CUL2: variants seen among roughly 807,000 people sequenced by gnomAD.
CUL2 encodes the protein cullin-2.
A neutral mutation model predicts 110.2 loss-of-function variants in CUL2; 22 were observed. The observed-to-expected ratio is 0.20, with a 90% CI of 0.14 to 0.28. The LOEUF (loss-of-function observed/expected upper bound fraction) is 0.28. Ranked by LOEUF, CUL2 falls within the 10% of genes least tolerant of loss-of-function variation. The pLI, the probability that CUL2 is intolerant of heterozygous loss-of-function variation, is 1.00. For synonymous variants in CUL2, 279 were observed against 293.2 expected (o/e 0.95, Z 0.49); for missense variants, 631 against 905.5 (o/e 0.70, Z 3.89).
At chr10:35,034,292 G>A (rs887460398) in intron 10 of CUL2, among the ~76,000 whole-genome samples, 2 of 152,044 alleles carry the variant, frequency 1.3e-5, no homozygotes, top group Non-Finnish European at 2.9e-5. Flanking sequence ...AAATAATAGA[G>A]TAATAAACCT....
chr10:35,060,672 C>T (rs1466817279), intron 4 of CUL2, among the ~76,000 whole-genome samples: 1 of 152,182 alleles, frequency 6.6e-6, no homozygotes, highest in African/African-American at 2.4e-5. Context: ...TTTCACAGAA[C>T]GTTCCACACA....
At chr10:35,061,529 G>A (rs2086382284) in intron 3 of CUL2, among the ~76,000 whole-genome samples, 1 of 150,830 alleles carries the variant, frequency 6.6e-6, no homozygotes, top group Admixed American at 6.6e-5. Context: ...AATTATTAAT[G>A]TCTTACATAG....
At chr10:35,044,324 C>G (rs2085880090) in intron 8 of CUL2, among the ~76,000 whole-genome samples, 1 of 151,736 alleles carries the variant, frequency 6.6e-6, no homozygotes, top group Non-Finnish European at 1.5e-5. Context: ...ACAAGTAAAC[C>G]AAGCAGTCAG....
intron 1 of CUL2, among the ~76,000 whole-genome samples, chr10:35,115,009 C>G (rs1040684695): frequency 2.0e-5 from 3 of 149,524 alleles, no homozygotes; most frequent in Non-Finnish European, 3.0e-5. Context: ...GTCAGAAGTT[C>G]GAGACCAGCC....
chr10:35,076,996 G>A (rs558518947), intron 1 of CUL2, among the ~76,000 whole-genome samples: 1 of 151,992 alleles, frequency 6.6e-6, no homozygotes, highest in Non-Finnish European at 1.5e-5. Context: ...AGCTTGCAAT[G>A]AGCCGAGATA....
At chr10:35,012,521 G>A (rs573670984) in intron 19 of CUL2, among the ~76,000 whole-genome samples, 2 of 152,202 alleles carry the variant, frequency 1.3e-5, no homozygotes, top group South Asian at 4.1e-4. Flanking sequence ...GGCTCAAGCA[G>A]AGAAGCCAGG....
chr10:35,044,507 A>C (rs746825450), intron 8 of CUL2, 59 bp downstream of exon 8: 17 of 1,099,734 alleles, frequency 1.5e-5, no homozygotes, highest in Non-Finnish European at 2.2e-5. Context: ...GAACGATGTT[A>C]AATAAAACCA....
At chr10:35,032,950 TA>T (rs917840954) in intron 11 of CUL2, among the ~76,000 whole-genome samples, 23 of 152,270 alleles carry the variant, frequency 1.5e-4, no homozygotes, top group African/African-American at 5.5e-4. Context: ...AAATTCCCCT[TA>T]TATAGCATAA....
rs560838781 is a variant in CUL2, at chr10:35,016,673, T to C, written c.1685-279A>G. Among the ~76,000 whole-genome samples the C allele has an allele frequency of 6.6e-5, 10 of 152,234 alleles. No individual in the cohort carries two copies. The South Asian group carries it at 2.1e-3, about 32-fold the overall frequency. ...CAGGCGCAGCGGCTCACGCCTGTAA[T>C]CCCAGCACTGTGGGAGGCCGAGGCA... On this transcript the variant is annotated intron_variant, in intron 17 of 20. Coordinates refer to ENST00000374749, the MANE Select transcript of CUL2 (RefSeq NM_003591.4).
At chr10:35,034,397 G>T (rs1009922336) in intron 10 of CUL2, among the ~76,000 whole-genome samples, 2 of 152,144 alleles carry the variant, frequency 1.3e-5, no homozygotes, top group Admixed American at 6.5e-5. Context: ...CATTATTGTG[G>T]CATAACATAA....
At chr10:35,113,181 C>CAAAAAAAA (rs71660665) in intron 1 of CUL2, among the ~76,000 whole-genome samples, 11 of 36,630 alleles carry the variant, frequency 3.0e-4, no homozygotes, top group Admixed American at 4.0e-4. Context: ...GACTCCATCT[C>CAAAAAAAA]AAAAAAAAAA....
intron 20 of CUL2, 66 bp downstream of exon 20, chr10:35,011,782 A>T (rs2084908366): frequency 1.3e-6 from 1 of 764,142 alleles, no homozygotes. Flanking sequence ...AAGAAGAAAG[A>T]GACTGAATCT....
Position 35,121,821 on chromosome 10 carries a change from A to AAT in CUL2, c.-51+4783_-51+4784insAT, listed in dbSNP as rs1707141380. ...TAAGACCCTGTCTCAAAAAAAAAAA[A>AAT]AAAAATAAAAATTAGTTTAGTTTAA... On this transcript the variant is annotated intron_variant, in intron 1 of 5. Transcript: ENST00000685421. Among the ~76,000 whole-genome samples the AAT allele has an allele frequency of 2.0e-5, 3 of 151,902 alleles. No homozygotes were observed. The South Asian group carries it at 6.2e-4, about 31-fold the overall frequency.
At chr10:35,023,628 T>A (rs560698452) in intron 17 of CUL2, among the ~76,000 whole-genome samples, 1 of 152,332 alleles carries the variant, frequency 6.6e-6, no homozygotes, top group South Asian at 2.1e-4. Flanking sequence ...AAAATTACTT[T>A]AGGAGACACA....
At chr10:35,022,335 T>G (rs1310504871) in intron 17 of CUL2, among the ~76,000 whole-genome samples, 2 of 152,190 alleles carry the variant, frequency 1.3e-5, no homozygotes, top group Non-Finnish European at 2.9e-5. Flanking sequence ...AAACACCACC[T>G]TGTGCACCAT....
At chr10:35,074,225 A>G in intron 1 of CUL2, 3 of 1,534,838 alleles carry the variant, frequency 2.0e-6, no homozygotes, top group Non-Finnish European at 2.6e-6. Flanking sequence ...TACTCTGTAC[A>G]TAAAGTACAA....
chr10:35,035,188 T>G lies in CUL2; in HGVS notation c.986A>C (p.Asn329Thr). The G allele has an allele frequency of 1.2e-6, 2 of 1,614,186 alleles. No homozygotes were observed. The highest frequency in any genetic ancestry group is 1.7e-6 in the Non-Finnish European group (2 of 1,180,034). ...IHDEGLRATS[N>T]LTQENMPTLF... ...ACAACTCACGTTTTCCTGAGTAAGG[T>G]TGCTGGTTGCTCGAAGGCCCTCATC... Residue 329 changes from asparagine (N) to threonine (T), a missense_variant, in exon 10 of 21, where the codon AAC becomes ACC. Transcript: ENST00000374749.
At chr10:35,054,053 A>G (rs2086181290) in intron 5 of CUL2, among the ~76,000 whole-genome samples, 1 of 151,248 alleles carries the variant, frequency 6.6e-6, no homozygotes, top group Admixed American at 6.6e-5. Context: ...AATTACTTTT[A>G]AAGTAAAGTT....
chr10:35,063,148 AAAAAC>A, intron 2 of CUL2, 86 bp from the exon 3 acceptor site: 1 of 779,204 alleles, frequency 1.3e-6, no homozygotes, highest in Non-Finnish European at 2.1e-6. Flanking sequence ...TAAAAAATGA[AAAAAC>A]ATTTCTTTTT....
Sources: gnomAD v4.1 joint callset for allele counts (sites outside exome capture counted in the v4.1 genomes callset) on GRCh38, gnomAD v4.1.1 for gene constraint, MANE v1.5 for transcripts, NCBI Gene and HGNC (gene_info 2026-07-23, HGNC 2026-07-21) for gene names.